The following SELENOF variants were observed in gnomAD, a reference collection of about 807,000 sequenced individuals.
The protein encoded by SELENOF is selenoprotein F.
Under a neutral mutation model 20.5 loss-of-function variants are expected in SELENOF, and 16 were observed. The observed-to-expected ratio is 0.78, with a 90% CI of 0.53 to 1.19. The LOEUF (loss-of-function observed/expected upper bound fraction) is 1.19. SELENOF is among the 50% of genes most tolerant of loss of function. The probability of loss-of-function intolerance (pLI) is 0.00; values close to 1 mark genes in which losing one functional copy is unlikely to be tolerated. For synonymous variants in SELENOF, 78 were observed against 74.5 expected (o/e 1.05, Z -0.24); for missense variants, 215 against 194.2 (o/e 1.11, Z -0.64).
intron 3 of SELENOF, among the ~76,000 whole-genome samples, chr1:86,880,012 G>A (rs774009713): frequency 1.3e-5 from 2 of 150,608 alleles, no homozygotes; most frequent in East Asian, 1.9e-4. Context: ...AAACTACAGC[G>A]GTGTGCTACT....
intron 2 of SELENOF, among the ~76,000 whole-genome samples, chr1:86,887,619 A>C (rs1659254710): frequency 6.6e-6 from 1 of 152,192 alleles, no homozygotes; most frequent in South Asian, 2.1e-4. Context: ...TCTAGGTTAG[A>C]CCATTCTAAC....
chr1:86,873,083 AT>A (rs1658825112), intron 3 of SELENOF, among the ~76,000 whole-genome samples: 2 of 113,836 alleles, frequency 1.8e-5, no homozygotes, highest in Admixed American at 1.6e-4. Context: ...AAATAAATAA[AT>A]AAATAAATAA....
intron 2 of SELENOF, among the ~76,000 whole-genome samples, chr1:86,901,774 G>C (rs1659711488): frequency 6.6e-6 from 1 of 152,106 alleles, no homozygotes; most frequent in South Asian, 2.1e-4. Flanking sequence ...CAAAAAACTG[G>C]GGTATTATGA....
At chr1:86,887,095 A>G in intron 2 of SELENOF, 1 of 1,452,742 alleles carries the variant, frequency 6.9e-7, no homozygotes, top group East Asian at 2.8e-5. Flanking sequence ...GGTGTTTTAA[A>G]TTTGCTGTTC....
At chr1:86,881,112 AGTTACTT>A (rs1182767177) in intron 2 of SELENOF, among the ~76,000 whole-genome samples, 2 of 152,226 alleles carry the variant, frequency 1.3e-5, no homozygotes, top group African/African-American at 4.8e-5. Flanking sequence ...TATCCAAGAT[AGTTACTT>A]AATAAAAATT....
rs1658482314 is a variant in SELENOF at position 86,862,581 on chromosome 1, C to T, written c.*893G>A. The T allele has an allele frequency of 1.3e-5, 2 of 151,710 alleles. No individual in the cohort carries two copies. Among genetic ancestry groups the T allele is most frequent in the African/African-American group, 2.4e-5 (1 of 41,384 alleles). The allele number at this position is 151,710 out of a possible 1,614,324, so 9.4% of individuals were successfully genotyped here. A position where few individuals can be genotyped will look rare whatever the true frequency, so the allele number is the denominator to read the frequency against. On this transcript the variant is annotated 3_prime_UTR_variant, in exon 5 of 5. Transcript: ENST00000331835. ...TCAGACAAATATAAAGCACTATTAC[C>T]AACAATAAGATGTTATAAGTTTTAA...
At chr1:86,882,853 C>T (rs2102091554) in intron 2 of SELENOF, among the ~76,000 whole-genome samples, 1 of 152,298 alleles carries the variant, frequency 6.6e-6, no homozygotes, top group South Asian at 2.1e-4. Flanking sequence ...TGACTGGGTG[C>T]AGTGGCTCAC....
chr1:86,903,586 T>C (rs1659758005), intron 1 of SELENOF, 138 bp from the exon 2 acceptor site: 1 of 636,862 alleles, frequency 1.6e-6, no homozygotes, highest in Non-Finnish European at 2.5e-6. Context: ...ATAAATTCTT[T>C]TAAATTTTAA....
intron 3 of SELENOF, among the ~76,000 whole-genome samples, chr1:86,869,411 A>AAG (rs778688717): frequency 2.0e-4 from 30 of 152,242 alleles, no homozygotes; most frequent in South Asian, 4.1e-4. Flanking sequence ...TATGTGTAAA[A>AAG]AGCAAGGATT....
At chr1:86,904,760 G>T (rs1047766201) in intron 1 of SELENOF, among the ~76,000 whole-genome samples, 1 of 152,096 alleles carries the variant, frequency 6.6e-6, no homozygotes, top group Non-Finnish European at 1.5e-5. Flanking sequence ...AAATGCAAAG[G>T]CATTCAAAAC....
At chr1:86,875,833 C>T (rs1056956270) in intron 3 of SELENOF, among the ~76,000 whole-genome samples, 1 of 152,028 alleles carries the variant, frequency 6.6e-6, no homozygotes, top group Admixed American at 6.6e-5. Context: ...TGGAATTTGC[C>T]ACAAGAATTA....
rs1265572530 is a variant in SELENOF at position 86,862,803 on chromosome 1, C to G, written c.*671G>C. ...GACTTTTCTGTAAGAATGTAAAACTCAAAAATTTGCCAAGTATGTATCTGA... is the reference window on the plus strand; with the variant it reads ...GACTTTTCTGTAAGAATGTAAAACTGAAAAATTTGCCAAGTATGTATCTGA... On this transcript the variant is annotated 3_prime_UTR_variant, in exon 5 of 5. Coordinates refer to ENST00000331835, the MANE Select transcript of SELENOF (RefSeq NM_004261.5). 1 of 152,270 alleles carries G rather than the reference C, an allele frequency of 6.6e-6. No individual in the cohort carries two copies. The highest frequency in any genetic ancestry group is 1.5e-5 in the Non-Finnish European group (1 of 68,026). 9.4% of individuals were successfully genotyped at this position (152,270 alleles called of 1,614,324 possible).
chr1:86,884,685 T>A (rs1659169178), intron 2 of SELENOF, among the ~76,000 whole-genome samples: 1 of 152,218 alleles, frequency 6.6e-6, no homozygotes, highest in Non-Finnish European at 1.5e-5. Context: ...ACAAAATTTT[T>A]AATCTTCAAA....
intron 2 of SELENOF, among the ~76,000 whole-genome samples, chr1:86,890,583 A>G (rs541373056): frequency 1.5e-3 from 228 of 151,856 alleles, no homozygotes; most frequent in Middle Eastern, 0.01. Flanking sequence ...TCGACCTCCT[A>G]GGCTCGAGTG....
chr1:86,865,863 G>A (rs1658576063), intron 4 of SELENOF, among the ~76,000 whole-genome samples: 1 of 152,042 alleles, frequency 6.6e-6, no homozygotes, highest in African/African-American at 2.4e-5. Context: ...GCCAAGGGAT[G>A]GAAGCAACTC....
intron 3 of SELENOF, among the ~76,000 whole-genome samples, chr1:86,876,474 G>A (rs554213): frequency 0.31 from 46,477 of 151,978 alleles, 9,381 homozygotes; most frequent in African/African-American, 0.58. Flanking sequence ...TTATAGAATT[G>A]TACTCTGTAT....
intron 2 of SELENOF, among the ~76,000 whole-genome samples, chr1:86,893,239 T>A (rs1420525518): frequency 2.0e-5 from 3 of 152,104 alleles, no homozygotes; most frequent in African/African-American, 7.2e-5. Context: ...GGTAATGTAA[T>A]TATGACAAAA....
chr1:86,867,941 C>T (rs1658655264), intron 4 of SELENOF, 112 bp downstream of exon 4: 1 of 443,458 alleles, frequency 2.3e-6, no homozygotes, highest in Non-Finnish European at 4.0e-6. Context: ...TAAATTGATA[C>T]ATAATATTTG....
At chr1:86,884,345 A>G (rs1306560095) in intron 2 of SELENOF, among the ~76,000 whole-genome samples, 1 of 128,606 alleles carries the variant, frequency 7.8e-6, no homozygotes, top group Admixed American at 7.5e-5. Flanking sequence ...GCGCACATAC[A>G]TACACACACA....
Sources: gnomAD v4.1 joint callset for allele counts (sites outside exome capture counted in the v4.1 genomes callset) on GRCh38, gnomAD v4.1.1 for gene constraint, MANE v1.5 for transcripts, NCBI Gene and HGNC (gene_info 2026-07-23, HGNC 2026-07-21) for gene names.